ESR2: variants seen among roughly 807,000 people sequenced by gnomAD.
The protein encoded by ESR2 is estrogen receptor 2.
Under a neutral mutation model 49.6 loss-of-function variants are expected in ESR2, and 36 were observed. The ratio of observed to expected loss-of-function variants is 0.73; its 90% CI spans 0.56 to 0.96. The LOEUF is 0.96. ESR2 is among the 40% of genes least tolerant of loss of function. The probability of loss-of-function intolerance (pLI) is 0.00; values close to 1 mark genes in which losing one functional copy is unlikely to be tolerated. For missense variants in ESR2, 714 were observed against 693.0 expected (o/e 1.03, Z -0.34); for synonymous variants, 320 against 266.1 (o/e 1.20, Z -1.97).
At chr14:64,305,631 A>G (rs2077085143) in intron 1 of ESR2, among the ~76,000 whole-genome samples, 1 of 151,968 alleles carries the variant, frequency 6.6e-6, no homozygotes, top group African/African-American at 2.4e-5. Flanking sequence ...AGATCGCACC[A>G]CTGCACTCCA....
chr14:64,286,464 C>T (rs2076786993), intron 1 of ESR2, among the ~76,000 whole-genome samples: 1 of 151,982 alleles, frequency 6.6e-6, no homozygotes, highest in South Asian at 2.1e-4. Flanking sequence ...CCATGCCCAG[C>T]TAATTTTTTG....
chr14:64,279,783 T>C lies in ESR2; in HGVS notation c.535+198A>G, dbSNP rs905293192. ...ACCCATTCGAGTTGGCTGTATAATC[T>C]TGGGGTTCTGGGGTAGAAATCTGCA... is the stretch of plus-strand genomic sequence containing the variant. On this transcript the variant is annotated intron_variant, in intron 3 of 8. Coordinates refer to ENST00000341099, the MANE Select transcript of ESR2 (RefSeq NM_001437.3). Among the ~76,000 whole-genome samples the C allele has an allele frequency of 3.3e-5, 5 of 152,204 alleles. No individual in the cohort carries two copies. The East Asian group carries it at 9.6e-4, about 29-fold the overall frequency.
intron 1 of ESR2, among the ~76,000 whole-genome samples, chr14:64,335,421 A>C (rs896590534): frequency 6.6e-6 from 1 of 152,212 alleles, no homozygotes; most frequent in South Asian, 2.1e-4. Flanking sequence ...AAAGACCAAG[A>C]TCAAGGTGAC....
Position 64,260,689 on chromosome 14 carries a change from G to GATTAA in ESR2, c.711_712insTTAAT (p.Gln238LeufsTer28). 6.4e-7 allele frequency: 1 copy of GATTAA among 1,553,556 alleles called. No individual in the cohort carries two copies. The highest frequency in any genetic ancestry group is 8.7e-7 in the Non-Finnish European group (1 of 1,145,476). On this transcript the variant is annotated frameshift_variant, in exon 5 of 9. Transcript: ENST00000341099. LOFTEE classifies it high-confidence loss of function. ...TTGGCCTTGCCGGCACAGTGCAGCT[G>GATTAA]CTCGTCGGCACTTCTCTGTCTCCGC...
rs372819061 is a variant in ESR2 at position 64,235,179 on chromosome 14, T to C, written c.1226-29A>G. On this transcript the variant is annotated intron_variant, in intron 7 of 8. Transcript: ENST00000341099. ...GACAAAGAATAAAAGCCAGAAGTCATTGCTCTGAGCAAAGGAGCAGAAGTC... is the reference window on the plus strand; with the variant it reads ...GACAAAGAATAAAAGCCAGAAGTCACTGCTCTGAGCAAAGGAGCAGAAGTC... 5.6e-6 allele frequency: 9 copies of C among 1,600,436 alleles called. No individual in the cohort carries two copies. In the African/African-American group the frequency reaches 1.1e-4, roughly 19 times the overall value.
At chr14:64,337,396 C>T (rs1410123514) in intron 1 of ESR2, 1 of 152,222 alleles carries the variant, frequency 6.6e-6, no homozygotes, top group Non-Finnish European at 1.5e-5. Flanking sequence ...CTCCCTACAA[C>T]TTACCAGGAA....
rs45624541 is a variant in ESR2, at chr14:64,249,583, T to C, written c.1188A>G (p.Glu396=). The C allele has an allele frequency of 1.1e-5, 18 of 1,613,810 alleles. No homozygotes were observed. Among genetic ancestry groups the C allele is most frequent in the Non-Finnish European group, 1.4e-5 (17 of 1,179,750 alleles). ...RFRELKLQHK[E]YLCVKAMILL... is the part of the protein sequence containing the mutation. ...GGATCATGGCCTTGACACAGAGATA[T>C]TCTTTGTGTTGGAGTTTTAACTCTC... is the stretch of plus-strand genomic sequence containing the variant. The change falls in exon 7 of 9, where the codon GAA becomes GAG. Residue 396 remains glutamate (E), a synonymous_variant. Transcript: ENST00000341099.
chr14:64,309,460 A>G (rs1037801368), intron 1 of ESR2, among the ~76,000 whole-genome samples: 1 of 151,648 alleles, frequency 6.6e-6, no homozygotes, highest in African/African-American at 2.4e-5. Flanking sequence ...AAAAATACAA[A>G]AAAGTATTGT....
At chr14:64,291,997 T>C (rs563565165) in intron 1 of ESR2, among the ~76,000 whole-genome samples, 58 of 152,194 alleles carry the variant, frequency 3.8e-4, no homozygotes, top group Non-Finnish European at 6.6e-4. Flanking sequence ...TGTATTTCAA[T>C]TCAGGATAAC....
chr14:64,300,648 C>T (rs535645728), intron 1 of ESR2, among the ~76,000 whole-genome samples: 13 of 151,902 alleles, frequency 8.6e-5, no homozygotes, highest in East Asian at 7.7e-4. Flanking sequence ...CCCAGCTACT[C>T]GGGAGGCTGA....
At position 64,260,726 on chromosome 14, in the gene ESR2, C is replaced by T. The variant is rs113888207; in HGVS notation, c.675G>A (p.Gly225=). The stretch of plus-strand genomic sequence containing the variant: ...TTCTCTGTCTCCGCACAAGGCGGTA[C>T]CCACATCTCTCTCTCCGGGAGCCTG... ...VKCGSRRERC[G]YRLVRRQRSA... is the part of the protein sequence containing the mutation. The change falls in exon 5 of 9, where the codon GGG becomes GGA. Residue 225 remains glycine, a synonymous_variant. Coordinates refer to ENST00000341099, the MANE Select transcript of ESR2 (RefSeq NM_001437.3). The T allele has an allele frequency of 1.6e-5, 24 of 1,510,760 alleles. No individual in the cohort carries two copies. The African/African-American group carries it at 2.7e-4, about 17-fold the overall frequency. 93.6% of individuals were successfully genotyped at this position (1,510,760 alleles called of 1,614,324 possible).
intron 1 of ESR2, chr14:64,301,316 C>T (rs1182531846): frequency 1.3e-5 from 2 of 152,124 alleles, no homozygotes; most frequent in Admixed American, 6.6e-5. Flanking sequence ...GTCACGTTCC[C>T]GCATGTTTGG....
intron 1 of ESR2, among the ~76,000 whole-genome samples, chr14:64,325,207 G>T (rs1414174922): frequency 6.6e-6 from 1 of 152,150 alleles, no homozygotes; most frequent in South Asian, 2.1e-4. Context: ...TTTAACAAAA[G>T]AATGTAATAC....
chr14:64,323,340 TG>T (rs2077347280), intron 1 of ESR2, among the ~76,000 whole-genome samples: 1 of 152,128 alleles, frequency 6.6e-6, no homozygotes, highest in Admixed American at 6.5e-5. Flanking sequence ...CCCAGGTAGC[TG>T]GGACCACAGG....
rs755963935 is a variant in ESR2, at chr14:64,279,974, C to T, written c.535+7G>A. The T allele has an allele frequency of 1.9e-6, 3 of 1,610,770 alleles. No homozygotes were observed. Among genetic ancestry groups the T allele is most frequent in the East Asian group, 2.2e-5 (1 of 44,864 alleles). ...AACTAAAGAAGCAGTTAACAATTCT[C>T]TTGTACCTTGAATGCTTCTTTTAAA... On this transcript the variant is annotated splice_region_variant and intron_variant, in intron 3 of 8. Coordinates refer to ENST00000341099, the MANE Select transcript of ESR2 (RefSeq NM_001437.3).
intron 5 of ESR2, among the ~76,000 whole-genome samples, chr14:64,258,305 A>G (rs2076146173): frequency 6.6e-6 from 1 of 152,222 alleles, no homozygotes. Context: ...TACTGTTTGC[A>G]AACAGGTAAT....
rs2098727592 is a variant in ESR2 at position 64,231,886 on chromosome 14, ATTTATGTTCC to A, written c.*1241_*1250del. ...TCAGAGGTGCCCTTCTTCATGTCCTATTTATGTTCCACTTGGAATAAGAACTAATATTTTT... is the reference window on the plus strand; with the variant it reads ...TCAGAGGTGCCCTTCTTCATGTCCTAACTTGGAATAAGAACTAATATTTTT... On this transcript the variant is annotated 3_prime_UTR_variant, in exon 9 of 9. Transcript: ENST00000341099. The A allele has an allele frequency of 6.6e-6, 1 of 152,142 alleles. No individual in the cohort carries two copies. 9.4% of individuals were successfully genotyped at this position (152,142 alleles called of 1,614,324 possible). A position where few individuals can be genotyped will look rare whatever the true frequency, so the allele number is the denominator to read the frequency against.
chr14:64,245,727 A>G (rs1417346745), intron 7 of ESR2, among the ~76,000 whole-genome samples: 1 of 152,106 alleles, frequency 6.6e-6, no homozygotes, highest in East Asian at 1.9e-4. Flanking sequence ...ACAACAACAC[A>G]ATATGATGTC....
intron 1 of ESR2, among the ~76,000 whole-genome samples, chr14:64,321,394 C>T (rs1358612771): frequency 6.6e-6 from 1 of 151,774 alleles, no homozygotes; most frequent in Non-Finnish European, 1.5e-5. Flanking sequence ...TATTAACTTA[C>T]TAAAAATCAT....
Sources: gnomAD v4.1 joint callset for allele counts (sites outside exome capture counted in the v4.1 genomes callset) on GRCh38, gnomAD v4.1.1 for gene constraint, MANE v1.5 for transcripts, NCBI Gene and HGNC (gene_info 2026-07-23, HGNC 2026-07-21) for gene names.